MACROD2: variants seen among roughly 807,000 people sequenced by gnomAD.
MACROD2 encodes mono-ADP ribosylhydrolase 2, also known as ADP-ribose glycohydrolase MACROD2.
MACROD2 carries 36 observed loss-of-function variants against 70.4 expected under a neutral mutation model. That is an observed-to-expected ratio of 0.51 (90% CI 0.39 to 0.68). The LOEUF is 0.68. Among genes scored for constraint, MACROD2 ranks in the 30% least tolerant of loss-of-function variants. The pLI is 0.00. For synonymous variants in MACROD2, 172 were observed against 178.8 expected, an observed-to-expected ratio of 0.96 and a Z score of 0.30; for missense variants, 496 against 538.4, an observed-to-expected ratio of 0.92 and a Z score of 0.78.
intron 4 of MACROD2, among the ~76,000 whole-genome samples, chr20:14,558,550 C>A (rs761296944): frequency 7.3e-5 from 11 of 151,390 alleles, no homozygotes; most frequent in Admixed American, 2.6e-4. Context: ...ATATTCTTAC[C>A]GATAAACTTC....
chr20:15,767,290 G>A (rs186342695), intron 8 of MACROD2, among the ~76,000 whole-genome samples: 2 of 152,228 alleles, frequency 1.3e-5, no homozygotes, highest in African/African-American at 4.8e-5. Flanking sequence ...AAGAATGCTG[G>A]GGACACTGTA....
chr20:14,580,016 A>AT (rs1304672033), intron 4 of MACROD2, among the ~76,000 whole-genome samples: 3 of 152,230 alleles, frequency 2.0e-5, no homozygotes, highest in Non-Finnish European at 4.4e-5. Context: ...TCATGTCATT[A>AT]TTTACAAAGC....
intron 6 of MACROD2, among the ~76,000 whole-genome samples, chr20:15,422,738 G>A (rs1043026379): frequency 6.6e-6 from 1 of 152,188 alleles, no homozygotes. Flanking sequence ...TTTATCTTGA[G>A]CTATAGAGAA....
At chr20:15,178,475 C>T (rs1048874442) in intron 5 of MACROD2, among the ~76,000 whole-genome samples, 8 of 152,146 alleles carry the variant, frequency 5.3e-5, no homozygotes, top group African/African-American at 1.4e-4. Context: ...GTGGATTTGC[C>T]TAGCTAGTTT....
chr20:15,051,927 G>A (rs1240054511), intron 5 of MACROD2, among the ~76,000 whole-genome samples: 6 of 151,814 alleles, frequency 4.0e-5, no homozygotes, highest in Admixed American at 6.6e-5. Context: ...AATTTTTTGT[G>A]TTTTTAGTAG....
chr20:15,616,350 C>T (rs1043293153), intron 8 of MACROD2, among the ~76,000 whole-genome samples: 4 of 152,018 alleles, frequency 2.6e-5, no homozygotes, highest in South Asian at 2.1e-4. Context: ...GTGATCCACC[C>T]GCCTCGGCCT....
At chr20:14,333,515 T>C (rs2082881114) in intron 3 of MACROD2, among the ~76,000 whole-genome samples, 1 of 152,132 alleles carries the variant, frequency 6.6e-6, no homozygotes. Context: ...AGGTAAGTGG[T>C]GCAGAGTTTG....
chr20:14,385,694 G>A (rs897564514), intron 3 of MACROD2, among the ~76,000 whole-genome samples: 8 of 152,108 alleles, frequency 5.3e-5, no homozygotes, highest in African/African-American at 1.7e-4. Context: ...TTGACCTCTT[G>A]CTGGGACATA....
At chr20:14,807,328 C>T (rs1288875331) in intron 5 of MACROD2, among the ~76,000 whole-genome samples, 1 of 152,122 alleles carries the variant, frequency 6.6e-6, no homozygotes, top group Non-Finnish European at 1.5e-5. Flanking sequence ...CAAAAAACTC[C>T]AGAAGACCTA....
intron 5 of MACROD2, among the ~76,000 whole-genome samples, chr20:15,099,690 C>G (rs954618264): frequency 6.6e-6 from 1 of 152,118 alleles, no homozygotes; most frequent in Non-Finnish European, 1.5e-5. Context: ...GTGATGGACA[C>G]AGGCGGGAAA....
At chr20:15,398,156 ATTAT>A (rs1717552493) in intron 6 of MACROD2, among the ~76,000 whole-genome samples, 1 of 152,180 alleles carries the variant, frequency 6.6e-6, no homozygotes, top group African/African-American at 2.4e-5. Context: ...CAAATTGCTA[ATTAT>A]TCCCTGCCTG....
intron 3 of MACROD2, among the ~76,000 whole-genome samples, chr20:14,230,658 ACAGGCTGGGCC>A (rs1166227595): frequency 2.6e-4 from 11 of 42,866 alleles, no homozygotes; most frequent in African/African-American, 4.7e-4. Flanking sequence ...TATATATAAC[ACAGGCTGGGCC>A]TATATATATA....
At chr20:15,538,823 T>C (rs2047913250) in intron 8 of MACROD2, among the ~76,000 whole-genome samples, 1 of 152,210 alleles carries the variant, frequency 6.6e-6, no homozygotes, top group African/African-American at 2.4e-5. Flanking sequence ...TATTTATAAA[T>C]AGGAATATAA....
At chr20:15,172,204 G>A (rs545955631) in intron 5 of MACROD2, among the ~76,000 whole-genome samples, 3 of 152,158 alleles carry the variant, frequency 2.0e-5, no homozygotes, top group Admixed American at 1.3e-4. Flanking sequence ...CAACAGTGGA[G>A]GAAGAGGCAA....
chr20:14,995,439 G>C (rs573964607), intron 5 of MACROD2, among the ~76,000 whole-genome samples: 1 of 152,096 alleles, frequency 6.6e-6, no homozygotes, highest in Non-Finnish European at 1.5e-5. Context: ...ACTTTGGGAG[G>C]CTGAGGCAGG....
At chr20:14,293,731 C>A (rs559195827) in intron 3 of MACROD2, among the ~76,000 whole-genome samples, 39 of 151,834 alleles carry the variant, frequency 2.6e-4, no homozygotes, top group Non-Finnish European at 4.4e-5. Flanking sequence ...GATAGTCCAG[C>A]AAAGAGATCC....
intron 5 of MACROD2, among the ~76,000 whole-genome samples, chr20:14,882,524 T>G (rs1210445386): frequency 1.3e-5 from 2 of 152,162 alleles, no homozygotes; most frequent in Admixed American, 1.3e-4. Context: ...CTAAATAGAT[T>G]GGGAAGTTGG....
Position 14,002,290 on chromosome 20 carries a change from C to T in MACROD2, c.49C>T (p.Arg17Cys), listed in dbSNP as rs1237235535. 4.5e-6 allele frequency: 7 copies of T among 1,571,748 alleles called. No individual in the cohort carries two copies. The highest frequency in any genetic ancestry group is 1.4e-5 in the African/African-American group (1 of 72,898). Reference protein sequence around the residue: ...KKKVWREEKERLLKMTLEERR... With the variant: ...KKKVWREEKECLLKMTLEERR... ...AGATTCTGCTTTTATTTTGCAAGAA[C>T]GTTTATTGAAGATGACCTTAGAAGA... is the stretch of plus-strand genomic sequence containing the variant. Residue 17 changes from arginine (R) to cysteine (C), a missense_variant and splice_region_variant, in exon 2 of 18, where the codon CGT (arginine) becomes TGT (cysteine). Physicochemically the swap from Arg to Cys is radical, Grantham distance 180 (BLOSUM62 -3). Transcript: ENST00000684519.
At chr20:14,807,480 G>C (rs1360428107) in intron 5 of MACROD2, among the ~76,000 whole-genome samples, 2 of 152,106 alleles carry the variant, frequency 1.3e-5, no homozygotes, top group Non-Finnish European at 2.9e-5. Context: ...CCACGAAGAT[G>C]AGGAAAAACG....
Sources: allele counts gnomAD v4.1 joint callset (sites outside exome capture counted in the v4.1 genomes callset), GRCh38; gene constraint gnomAD v4.1.1; transcripts MANE v1.5; gene names NCBI Gene and HGNC (gene_info 2026-07-23, HGNC 2026-07-21).